LRRTM3: variants seen among roughly 807,000 people sequenced by gnomAD.
LRRTM3 encodes leucine-rich repeat transmembrane neuronal protein 3.
Under a neutral mutation model 44.7 loss-of-function variants are expected in LRRTM3, and 24 were observed. The ratio of observed to expected loss-of-function variants is 0.54; its 90% confidence interval spans 0.39 to 0.76. The LOEUF (loss-of-function observed/expected upper bound fraction) is 0.76. LRRTM3 is among the 30% of genes least tolerant of loss of function. LRRTM3 has a pLI of 0.00. For synonymous variants in LRRTM3, 277 were observed against 278.7 expected (o/e 0.99, Z 0.06); for missense variants, 587 against 702.2 (o/e 0.84, Z 1.85).
intron 2 of LRRTM3, among the ~76,000 whole-genome samples, chr10:67,068,545 T>C (rs1856235272): frequency 6.6e-6 from 1 of 152,132 alleles, no homozygotes. Context: ...AAGAATTTTA[T>C]AGTGTGAGAA....
intron 2 of LRRTM3, among the ~76,000 whole-genome samples, chr10:67,000,381 C>T (rs983588699): frequency 6.6e-6 from 1 of 152,150 alleles, no homozygotes; most frequent in Non-Finnish European, 1.5e-5. Context: ...GGCGAATTGG[C>T]ACAAGAAGGT....
intron 2 of LRRTM3, among the ~76,000 whole-genome samples, chr10:67,018,502 G>C (rs1346694673): frequency 6.6e-6 from 1 of 152,186 alleles, no homozygotes. Flanking sequence ...TTATAAACAT[G>C]TTTGGGAACA....
At chr10:67,039,091 T>C (rs1854242015) in intron 2 of LRRTM3, among the ~76,000 whole-genome samples, 1 of 152,078 alleles carries the variant, frequency 6.6e-6, no homozygotes, top group African/African-American at 2.4e-5. Flanking sequence ...TTTCTACCTG[T>C]CATTTGCTCT....
chr10:67,072,063 A>G (rs1035548331), intron 2 of LRRTM3, among the ~76,000 whole-genome samples: 1 of 152,042 alleles, frequency 6.6e-6, no homozygotes, highest in African/African-American at 2.4e-5. Context: ...CGTGATTCTC[A>G]TGCTTCAGCC....
intron 2 of LRRTM3, among the ~76,000 whole-genome samples, chr10:67,048,493 A>G (rs774986620): frequency 7.9e-5 from 12 of 152,126 alleles, no homozygotes; most frequent in Non-Finnish European, 1.5e-4. Flanking sequence ...AAATAGGAAT[A>G]CAGGAAATAT....
intron 2 of LRRTM3, among the ~76,000 whole-genome samples, chr10:66,950,905 G>C (rs1460108089): frequency 6.6e-6 from 1 of 152,086 alleles, no homozygotes; most frequent in Non-Finnish European, 1.5e-5. Flanking sequence ...AATCACATGA[G>C]ACAGAATTTG....
chr10:67,017,986 G>T (rs1283114714), intron 2 of LRRTM3, among the ~76,000 whole-genome samples: 1 of 152,056 alleles, frequency 6.6e-6, no homozygotes, highest in Admixed American at 6.6e-5. Flanking sequence ...TGGCAAGGCT[G>T]GTCTCAAACT....
Position 66,927,993 on chromosome 10 carries a change from C to T in LRRTM3, c.1077C>T (p.Ser359=). ...VNVIDAVKNY[S]ICGKSTTERF... The stretch of plus-strand genomic sequence containing the variant: ...TGATCGATGCAGTGAAGAACTACAG[C>T]ATCTGTGGCAAAAGTACTACAGAGA... The change falls in exon 2 of 3, where the codon AGC becomes AGT. Residue 359 remains serine, a synonymous_variant. Coordinates refer to ENST00000361320, the MANE Select transcript of LRRTM3 (RefSeq NM_178011.5). The surrounding 1 kb of genome is among the most constrained non-coding windows in gnomAD (Gnocchi z 4.7). 2 of 1,614,208 alleles carry T rather than the reference C, an allele frequency of 1.2e-6. No homozygotes were observed. The highest frequency in any genetic ancestry group is 1.7e-6 in the Non-Finnish European group (2 of 1,180,040).
chr10:66,986,505 A>G (rs61866228), intron 2 of LRRTM3, among the ~76,000 whole-genome samples: 3 of 100,320 alleles, frequency 3.0e-5, no homozygotes, highest in Admixed American at 1.9e-4. Context: ...TTGCTAAACT[A>G]AACTAAAATA....
intron 2 of LRRTM3, among the ~76,000 whole-genome samples, chr10:66,932,098 G>A (rs975592098): frequency 2.0e-5 from 3 of 152,076 alleles, no homozygotes; most frequent in South Asian, 4.2e-4. Flanking sequence ...TTGCCTCAGC[G>A]CTTTCTCCCT....
chr10:67,073,616 G>A (rs888685467), intron 2 of LRRTM3, among the ~76,000 whole-genome samples: 3 of 150,624 alleles, frequency 2.0e-5, no homozygotes, highest in Non-Finnish European at 4.4e-5. Context: ...ACAAAATAAA[G>A]AGGAAAAAAA....
intron 2 of LRRTM3, among the ~76,000 whole-genome samples, chr10:67,038,902 T>A (rs1052091930): frequency 6.6e-6 from 1 of 152,086 alleles, no homozygotes; most frequent in Non-Finnish European, 1.5e-5. Context: ...AAGGAACAAA[T>A]TAACTATAAA....
At chr10:67,035,691 C>G (rs141462852) in intron 2 of LRRTM3, among the ~76,000 whole-genome samples, 1 of 152,234 alleles carries the variant, frequency 6.6e-6, no homozygotes, top group East Asian at 1.9e-4. Context: ...ATCTTTCAAT[C>G]AAATTAGGCA....
intron 2 of LRRTM3, among the ~76,000 whole-genome samples, chr10:67,040,686 C>A (rs950345592): frequency 6.6e-6 from 1 of 151,766 alleles, no homozygotes; most frequent in Non-Finnish European, 1.5e-5. Flanking sequence ...AAATTAAAAC[C>A]CCTGAGAATC....
At chr10:66,955,974 C>A (rs1464240655) in intron 2 of LRRTM3, among the ~76,000 whole-genome samples, 1 of 152,000 alleles carries the variant, frequency 6.6e-6, no homozygotes, top group South Asian at 2.1e-4. Flanking sequence ...TAGTGCTCTG[C>A]CAGAAAGGGG....
At chr10:66,962,724 T>C (rs1224476732) in intron 2 of LRRTM3, among the ~76,000 whole-genome samples, 2 of 152,086 alleles carry the variant, frequency 1.3e-5, no homozygotes, top group African/African-American at 4.8e-5. Context: ...CTCCTCTAAG[T>C]CTTTATTCAA....
intron 2 of LRRTM3, among the ~76,000 whole-genome samples, chr10:67,017,360 A>G (rs1040176676): frequency 6.6e-6 from 1 of 152,184 alleles, no homozygotes; most frequent in Non-Finnish European, 1.5e-5. Context: ...GCTGTTTCTG[A>G]TTAGAATCTA....
chr10:67,004,635 A>C (rs576610097), intron 2 of LRRTM3, among the ~76,000 whole-genome samples: 41 of 152,330 alleles, frequency 2.7e-4, no homozygotes, highest in African/African-American at 9.4e-4. Flanking sequence ...CAATAAGTCA[A>C]GATAACTGAT....
At position 66,941,734 on chromosome 10, in the gene LRRTM3, C is replaced by T. The variant is rs556598578; in HGVS notation, c.1536+13282C>T. Among the ~76,000 whole-genome samples the T allele has an allele frequency of 6.6e-5, 10 of 152,222 alleles. 1 individual carries two copies. Among genetic ancestry groups the T allele is most frequent in the South Asian group, 2.1e-4 (1 of 4,824 alleles). On this transcript the variant is annotated intron_variant, in intron 2 of 2. Coordinates refer to ENST00000361320, the MANE Select transcript of LRRTM3 (RefSeq NM_178011.5). ...TGCCCGTGCCAGCCAGAATTCAAGC[C>T]GCGTGAGCTGAGTGTGGCTGAAAGA...
Sources: allele counts gnomAD v4.1 joint callset (sites outside exome capture counted in the v4.1 genomes callset), GRCh38; gene constraint gnomAD v4.1.1; non-coding constraint Gnocchi (gnomAD v3.1); transcripts MANE v1.5; gene names NCBI Gene and HGNC (gene_info 2026-07-23, HGNC 2026-07-21).